EIF4G3: variants seen among roughly 807,000 people sequenced by gnomAD.
The protein encoded by EIF4G3 is eIF-4-gamma 3.
A neutral mutation model predicts 186.4 loss-of-function variants in EIF4G3; 34 were observed. That is an observed-to-expected ratio of 0.18 (90% confidence interval 0.14 to 0.24). EIF4G3 has a LOEUF of 0.24. Ranked by LOEUF, EIF4G3 falls within the 10% of genes least tolerant of loss-of-function variation. The probability of loss-of-function intolerance (pLI) is 1.00; values close to 1 mark genes in which losing one functional copy is unlikely to be tolerated. For missense variants in EIF4G3, 1,536 were observed against 1,948.5 expected, an observed-to-expected ratio of 0.79 and a Z score of 3.99; for synonymous variants, 673 against 679.5, an observed-to-expected ratio of 0.99 and a Z score of 0.15.
chr1:21,092,396 T>C (rs1320757471), intron 2 of EIF4G3, among the ~76,000 whole-genome samples: 1 of 152,172 alleles, frequency 6.6e-6, no homozygotes, highest in African/African-American at 2.4e-5. Flanking sequence ...GGTTTGCCAG[T>C]ATTTTATTGA....
chr1:20,942,236 T>C lies in EIF4G3; in HGVS notation c.918A>G (p.Thr306=), dbSNP rs781142488. 2.5e-5 allele frequency: 40 copies of C among 1,614,200 alleles called. No individual in the cohort carries two copies. Among genetic ancestry groups the C allele is most frequent in the Non-Finnish European group, 2.4e-5 (28 of 1,179,992 alleles). ...TGGATACTATTGCAGTAGTTTCAGA[T>C]GTCTGGCCTTCTTGTTCTTTCTTCT... The part of the protein sequence containing the change: ...SGEKKEQEGQ[T]SETTAIVSIA... The change falls in exon 14 of 37, where the codon ACA becomes ACG. Residue 306 remains threonine (T), a synonymous_variant. Transcript: ENST00000602326.
chr1:21,067,915 C>CA (rs200477751), intron 3 of EIF4G3, among the ~76,000 whole-genome samples: 3,052 of 150,688 alleles, frequency 0.02, 29 homozygotes, highest in Non-Finnish European at 0.024. Flanking sequence ...GACTCCATCT[C>CA]AAAAAAAATA....
chr1:20,826,868 A>G (rs2063793337), intron 32 of EIF4G3, among the ~76,000 whole-genome samples: 1 of 152,122 alleles, frequency 6.6e-6, no homozygotes, highest in South Asian at 2.1e-4. Flanking sequence ...AGGGTTCAGT[A>G]AAAATTTTAG....
chr1:20,977,594 T>C (rs930585707), intron 10 of EIF4G3, among the ~76,000 whole-genome samples: 3 of 152,210 alleles, frequency 2.0e-5, no homozygotes, highest in African/African-American at 7.2e-5. Flanking sequence ...TTAATCTAGA[T>C]GATTAACTGC....
intron 2 of EIF4G3, among the ~76,000 whole-genome samples, chr1:21,117,861 A>G (rs978289602): frequency 6.6e-6 from 1 of 152,042 alleles, no homozygotes; most frequent in Non-Finnish European, 1.5e-5. Context: ...AACACAGGAA[A>G]GCTTTCCAAG....
intron 5 of EIF4G3, among the ~76,000 whole-genome samples, chr1:21,002,064 C>A (rs931631081): frequency 6.6e-6 from 1 of 152,330 alleles, no homozygotes; most frequent in Middle Eastern, 3.4e-3. Flanking sequence ...GAATGGAGAG[C>A]TGAAGCCACT....
chr1:20,816,645 G>C (rs1274532789), intron 34 of EIF4G3, among the ~76,000 whole-genome samples: 1 of 105,416 alleles, frequency 9.5e-6, no homozygotes, highest in Admixed American at 9.2e-5. Context: ...CGCCCGGCCA[G>C]CCGCCCTATC....
rs2058251074 is a variant in EIF4G3 at position 20,807,382 on chromosome 1, C to T, written c.4863G>A (p.Leu1621=). 6.2e-7 allele frequency: 1 copy of T among 1,610,882 alleles called. No individual in the cohort carries two copies. Among genetic ancestry groups the T allele is most frequent in the Non-Finnish European group, 8.5e-7 (1 of 1,177,882 alleles). The change falls in exon 37 of 37, where the codon CTG becomes CTA. Residue 1621 remains leucine, a synonymous_variant. Transcript: ENST00000602326. Reference sequence around the variant, plus strand: ...ACGTGAAGAATGCCGTGACAGATTTCAGAGCCACGCCCTTCCCATTCTGCT... The same window carrying T: ...ACGTGAAGAATGCCGTGACAGATTTTAGAGCCACGCCCTTCCCATTCTGCT... ...PAEQNGKGVA[L]KSVTAFFTWL... is the part of the protein sequence containing the mutation.
chr1:20,894,521 C>T (rs545558802), intron 17 of EIF4G3, among the ~76,000 whole-genome samples: 1 of 152,176 alleles, frequency 6.6e-6, no homozygotes, highest in African/African-American at 2.4e-5. Flanking sequence ...TCTTTACTAA[C>T]CCATTTATGC....
At chr1:20,982,787 T>A (rs570170949) in intron 7 of EIF4G3, among the ~76,000 whole-genome samples, 1 of 152,342 alleles carries the variant, frequency 6.6e-6, no homozygotes, top group South Asian at 2.1e-4. Context: ...TTGTCTAGCA[T>A]CTCTGTGATC....
chr1:21,105,637 A>G (rs1453488795), intron 2 of EIF4G3, among the ~76,000 whole-genome samples: 1 of 152,214 alleles, frequency 6.6e-6, no homozygotes, highest in Non-Finnish European at 1.5e-5. Context: ...TTCTAGATAA[A>G]GTAGAAGTAA....
intron 12 of EIF4G3, among the ~76,000 whole-genome samples, chr1:20,963,591 A>G (rs752301102): frequency 9.2e-5 from 14 of 152,202 alleles, no homozygotes; most frequent in Non-Finnish European, 1.5e-4. Context: ...CATTACAATA[A>G]TAATTCTAGA....
At chr1:20,944,341 C>T (rs1024410339) in intron 13 of EIF4G3, among the ~76,000 whole-genome samples, 1 of 151,862 alleles carries the variant, frequency 6.6e-6, no homozygotes, top group African/African-American at 2.4e-5. Context: ...ATAGTGAGAC[C>T]TTTTGTCTAC....
chr1:20,905,816 G>C (rs2091906082), intron 14 of EIF4G3, among the ~76,000 whole-genome samples: 1 of 152,150 alleles, frequency 6.6e-6, no homozygotes, highest in African/African-American at 2.4e-5. Flanking sequence ...AAGGAGAAGA[G>C]TTAAAGAAAG....
At chr1:20,844,241 A>G (rs2069842504) in intron 29 of EIF4G3, among the ~76,000 whole-genome samples, 1 of 152,100 alleles carries the variant, frequency 6.6e-6, no homozygotes, top group Admixed American at 6.6e-5. Context: ...CACTTCCACA[A>G]TGGTTGAACT....
At chr1:20,895,260 A>G in intron 17 of EIF4G3, 108 bp downstream of exon 17, 1 of 1,237,864 alleles carries the variant, frequency 8.1e-7, no homozygotes, top group Non-Finnish European at 1.1e-6. Flanking sequence ...TTTTTACATC[A>G]TTTGGTCTAA....
intron 2 of EIF4G3, among the ~76,000 whole-genome samples, chr1:21,149,950 C>G (rs1434975385): frequency 1.3e-5 from 2 of 152,234 alleles, no homozygotes; most frequent in African/African-American, 2.4e-5. Flanking sequence ...GCTAAGATTT[C>G]TTCTACTGCA....
intron 33 of EIF4G3, among the ~76,000 whole-genome samples, chr1:20,822,626 T>G (rs2062706390): frequency 6.6e-6 from 1 of 151,122 alleles, no homozygotes; most frequent in East Asian, 1.9e-4. Context: ...CTTGCTCTGT[T>G]GCCTGGGCTG....
chr1:20,848,743 G>A (rs954918310), intron 29 of EIF4G3, among the ~76,000 whole-genome samples: 12 of 151,906 alleles, frequency 7.9e-5, no homozygotes, highest in Admixed American at 7.2e-4. Flanking sequence ...AATGATAACA[G>A]AATGATTATA....
Sources: gnomAD v4.1 joint callset for allele counts (sites outside exome capture counted in the v4.1 genomes callset) on GRCh38, gnomAD v4.1.1 for gene constraint, MANE v1.5 for transcripts, NCBI Gene and HGNC (gene_info 2026-07-23, HGNC 2026-07-21) for gene names.